The following CPNE3 variants were observed in gnomAD, a reference collection of about 807,000 sequenced individuals.
CPNE3 encodes copine 3.
Under a neutral mutation model 63.9 loss-of-function variants are expected in CPNE3, and 68 were observed. The observed-to-expected ratio is 1.06, with a 90% confidence interval of 0.87 to 1.30. The LOEUF is 1.30. CPNE3 is among the 50% of genes most tolerant of loss of function. The pLI is 0.00. For missense variants in CPNE3, 665 were observed against 578.1 expected (o/e 1.15, Z -1.54); for synonymous variants, 219 against 197.5 (o/e 1.11, Z -0.91).
chr8:86,527,464 G>A (rs1820565021), intron 2 of CPNE3, among the ~76,000 whole-genome samples: 1 of 152,072 alleles, frequency 6.6e-6, no homozygotes, highest in Admixed American at 6.6e-5. Context: ...GGGAAGGAGG[G>A]GTCTATGGAA....
At chr8:86,557,177 TC>T in intron 16 of CPNE3, among the ~76,000 whole-genome samples, 1 of 152,162 alleles carries the variant, frequency 6.6e-6, no homozygotes, top group African/African-American at 2.4e-5. Flanking sequence ...TGAGACAGAG[TC>T]TTGCTCTGTC....
chr8:86,528,344 G>A (rs950041620), intron 2 of CPNE3, among the ~76,000 whole-genome samples, 192 bp from the exon 3 acceptor site: 20 of 152,106 alleles, frequency 1.3e-4, no homozygotes, highest in African/African-American at 4.8e-4. Context: ...TCTGATGCAG[G>A]CAGTATCATT....
At chr8:86,556,526 C>T (rs150790791) in intron 16 of CPNE3, among the ~76,000 whole-genome samples, 188 bp downstream of exon 16, 3 of 152,278 alleles carry the variant, frequency 2.0e-5, no homozygotes, top group Admixed American at 6.5e-5. Context: ...TTCTTGCAGG[C>T]TATATGATAA....
intron 6 of CPNE3, among the ~76,000 whole-genome samples, chr8:86,535,366 A>C (rs1481128664): frequency 4.7e-5 from 7 of 150,504 alleles, no homozygotes; most frequent in Non-Finnish European, 1.0e-4. Flanking sequence ...TTACACAACT[A>C]TTTCCAATTC....
intron 2 of CPNE3, among the ~76,000 whole-genome samples, chr8:86,520,007 TG>T (rs1820398143): frequency 6.6e-6 from 1 of 151,832 alleles, no homozygotes; most frequent in South Asian, 2.1e-4. Flanking sequence ...CCACCGCACC[TG>T]GCCCCAGATA....
intron 2 of CPNE3, among the ~76,000 whole-genome samples, chr8:86,527,523 C>T (rs894276698): frequency 1.3e-5 from 2 of 152,174 alleles, no homozygotes; most frequent in African/African-American, 4.8e-5. Context: ...GAAGATGGGC[C>T]ACACCTTCTC....
chr8:86,516,998 G>A (rs941711770), intron 2 of CPNE3, among the ~76,000 whole-genome samples: 3 of 152,078 alleles, frequency 2.0e-5, no homozygotes, highest in African/African-American at 7.2e-5. Context: ...TCCATTGGTG[G>A]TACTCAGTGA....
In CPNE3 at chr8:86,559,671, ACTTTTAC is replaced by A. The variant is rs1242642546; in HGVS notation, c.*1269_*1275del. 1 of 151,698 alleles carries A rather than the reference ACTTTTAC, an allele frequency of 6.6e-6. No homozygotes were observed. The highest frequency in any genetic ancestry group is 1.5e-5 in the Non-Finnish European group (1 of 67,948). 9.4% of individuals were successfully genotyped at this position (151,698 alleles called of 1,614,324 possible). On this transcript the variant is annotated 3_prime_UTR_variant, in exon 17 of 17. Transcript: ENST00000517490. ...TTTAAGAGTTGAATTTCTTTTCCTGACTTTTACCTTTTACAGCGTATTACTTAGTGAA... is the reference window on the plus strand; with the variant it reads ...TTTAAGAGTTGAATTTCTTTTCCTGACTTTTACAGCGTATTACTTAGTGAA...
intron 2 of CPNE3, among the ~76,000 whole-genome samples, chr8:86,526,712 A>G (rs1450584354): frequency 2.6e-5 from 4 of 152,074 alleles, no homozygotes; most frequent in Non-Finnish European, 5.9e-5. Context: ...AGGTTTCACC[A>G]TGTTGACCAG....
Position 86,537,570 on chromosome 8 carries a change from T to G in CPNE3, c.467T>G (p.Phe156Cys). ...EARKLDNKDL[F>C]GKSDPYLEFH... ...TGTTTGTTTTAAATGTAGGATCTAT[T>G]TGGAAAGTCAGACCCATACCTGGAA... is the stretch of plus-strand genomic sequence containing the variant. Residue 156 changes from phenylalanine to cysteine, a missense_variant, in exon 7 of 17, where the codon TTT becomes TGT. By Grantham distance (205) the Phe-to-Cys change is radical. Coordinates refer to ENST00000517490, the MANE Select transcript of CPNE3 (RefSeq NM_003909.5). 6.3e-7 allele frequency: 1 copy of G among 1,596,374 alleles called. No individual in the cohort carries two copies. Among genetic ancestry groups the G allele is most frequent in the East Asian group, 2.2e-5 (1 of 44,734 alleles).
At chr8:86,557,460 TAA>T (rs1821348589) in intron 16 of CPNE3, among the ~76,000 whole-genome samples, 1 of 152,202 alleles carries the variant, frequency 6.6e-6, no homozygotes, top group South Asian at 2.1e-4. Flanking sequence ...TGAGCAAACA[TAA>T]GTTTTTATTC....
intron 14 of CPNE3, chr8:86,551,435 A>G: frequency 1.8e-6 from 1 of 547,662 alleles, no homozygotes; most frequent in Non-Finnish European, 3.2e-6. Flanking sequence ...GGTAATGGTA[A>G]TTACGGGGCA....
rs796776506 is a variant in CPNE3 at position 86,541,732 on chromosome 8, A to T, written c.633+1398A>T. Among the ~76,000 whole-genome samples, 3 of 150,882 alleles carry T rather than the reference A, an allele frequency of 2.0e-5. No homozygotes were observed. The South Asian group carries it at 6.3e-4, about 31-fold the overall frequency. ...AAAAAAAAAAAAAAAAAACTGCTTC[A>T]TTACTGAGATCCATAAAAAATTGCT... On this transcript the variant is annotated intron_variant, in intron 8 of 16. Transcript: ENST00000517490.
At chr8:86,544,463 G>A (rs3213911) in intron 8 of CPNE3, among the ~76,000 whole-genome samples, 47,268 of 151,950 alleles carry the variant, frequency 0.31, 8,889 homozygotes, top group Middle Eastern at 0.45. Flanking sequence ...AGAGGAGCTG[G>A]AAACTGCTTA....
At chr8:86,544,688 T>C in intron 8 of CPNE3, 52 bp from the exon 9 acceptor site, 1 of 951,686 alleles carries the variant, frequency 1.1e-6, no homozygotes, top group East Asian at 3.3e-5. Context: ...AGCCAATACT[T>C]TTTAATAAAA....
At chr8:86,533,193 T>C (rs1283557787) in intron 6 of CPNE3, among the ~76,000 whole-genome samples, 1 of 152,068 alleles carries the variant, frequency 6.6e-6, no homozygotes, top group Non-Finnish European at 1.5e-5. Flanking sequence ...AGCCCAGCTT[T>C]TTGTACTTAA....
intron 14 of CPNE3, among the ~76,000 whole-genome samples, chr8:86,552,341 C>G (rs1821199613): frequency 6.6e-6 from 1 of 152,182 alleles, no homozygotes; most frequent in Non-Finnish European, 1.5e-5. Context: ...TTCTTTGAGG[C>G]ACTTTCAGTG....
At chr8:86,546,530 A>G (rs367754914) in intron 9 of CPNE3, 65 bp from the exon 10 acceptor site, 2 of 1,530,226 alleles carry the variant, frequency 1.3e-6, no homozygotes. Context: ...TCATTCATTT[A>G]AAGTCACATT....
rs757910830 is a variant in CPNE3 at position 86,544,752 on chromosome 8, G to A, written c.646G>A (p.Asp216Asn). ...MDKTIKVECY[D>N]YDNDGSHDLI... is the part of the protein sequence containing the mutation. ...TATTTAATTTCAGGTGGAGTGTTAT[G>A]ATTATGACAATGATGGGTCACATGA... The change falls in exon 9 of 17, where the codon GAT (aspartate) becomes AAT (asparagine). Residue 216 changes from aspartate to asparagine, a missense_variant. Transcript: ENST00000517490. 1 of 1,523,316 alleles carries A rather than the reference G, an allele frequency of 6.6e-7. No individual in the cohort carries two copies. 94.4% of individuals were successfully genotyped at this position (1,523,316 alleles called of 1,614,324 possible).
Sources: allele counts gnomAD v4.1 joint callset (sites outside exome capture counted in the v4.1 genomes callset), GRCh38; gene constraint gnomAD v4.1.1; transcripts MANE v1.5; gene names NCBI Gene and HGNC (gene_info 2026-07-23, HGNC 2026-07-21).